The following MYH3 variants were observed in gnomAD, a reference collection of about 807,000 sequenced individuals.
MYH3 encodes myosin heavy chain 3.
In MYH3, 130 loss-of-function variants were observed where a neutral mutation model predicts 238.0. That is an observed-to-expected ratio of 0.55 (90% CI 0.47 to 0.63). The LOEUF (loss-of-function observed/expected upper bound fraction) is 0.63. Among genes scored for constraint, MYH3 ranks in the 30% least tolerant of loss-of-function variants. MYH3 has a pLI of 0.00. For synonymous variants in MYH3, 880 were observed against 924.1 expected, an observed-to-expected ratio of 0.95 and a Z score of 0.86; for missense variants, 1,853 against 2,374.9, an observed-to-expected ratio of 0.78 and a Z score of 4.57.
chr17:10,656,537 CAA>C (rs71139057), intron 1 of MYH3, among the ~76,000 whole-genome samples: 1,252 of 55,530 alleles, frequency 0.023, 6 homozygotes, highest in African/African-American at 0.039. Flanking sequence ...AATTCTGTCT[CAA>C]AAAAAAAAAA....
At position 10,642,575 on chromosome 17, in the gene MYH3, T is replaced by G; in HGVS notation, c.1730A>C (p.His577Pro). 1 of 1,614,170 alleles carries G rather than the reference T, an allele frequency of 6.2e-7. No individual in the cohort carries two copies. Among genetic ancestry groups the G allele is most frequent in the Non-Finnish European group, 8.5e-7 (1 of 1,180,032 alleles). The change falls in exon 16 of 41, where the codon CAC becomes CCC. Residue 577 changes from histidine (H) to proline (P), a missense_variant. Physicochemically the swap from His to Pro is moderately conservative, Grantham distance 77 (BLOSUM62 -2). Around this residue, in one of 3 missense-constraint regions of MYH3, gnomAD observed 678 missense variants for 1,058.9 expected, o/e 0.64. Coordinates refer to ENST00000583535, the MANE Select transcript of MYH3 (RefSeq NM_002470.4). This position sits in a 1 kb window ranked among gnomAD's most constrained non-coding sequence, Gnocchi z 5.4. Reference sequence around the variant, plus strand: ...GCCCGCATAGTGGATCAGTGAGAAGTGAGCCTCGGCCCTGCCTTTGACCAC... The same window carrying G: ...GCCCGCATAGTGGATCAGTGAGAAGGGAGCCTCGGCCCTGCCTTTGACCAC... ...PKVVKGRAEA[H>P]FSLIHYAGTV... is the part of the protein sequence containing the mutation.
chr17:10,638,730 G>A (rs927526370), intron 26 of MYH3, 143 bp downstream of exon 26: 1 of 843,610 alleles, frequency 1.2e-6, no homozygotes, highest in African/African-American at 1.7e-5. Context: ...GTTCATCATG[G>A]CCAGGCCAGC....
In MYH3 at chr17:10,642,985, C is replaced by T. The variant is rs2074287193; in HGVS notation, c.1422G>A (p.Leu474=). The stretch of plus-strand genomic sequence containing the variant: ...TGGTGAAGTTGATGCACAGCTGCTC[C>T]AGGCTGTTATACTAATAAAAAAATA... ...AGFEIFEYNS[L]EQLCINFTNE... is the part of the protein sequence containing the mutation. Residue 474 remains leucine (L), a synonymous_variant, in exon 15 of 41, where the codon CTG becomes CTA. Transcript: ENST00000583535. The surrounding 1 kb of genome is among the most constrained non-coding windows in gnomAD (Gnocchi z 5.4). 1 of 1,614,192 alleles carries T rather than the reference C, an allele frequency of 6.2e-7. No homozygotes were observed. Among genetic ancestry groups the T allele is most frequent in the Non-Finnish European group, 8.5e-7 (1 of 1,180,030 alleles).
chr17:10,670,771 G>A, the MYH3 span, among the ~76,000 whole-genome samples: 1 of 152,080 alleles, frequency 6.6e-6, no homozygotes, highest in South Asian at 2.1e-4. The surrounding 1 kb of genome is among the most constrained non-coding windows in gnomAD (Gnocchi z 7.0). Context: ...CGGCTTACTT[G>A]CTCAAAGTAC....
At chr17:10,629,991 C>T (rs906814255) in intron 38 of MYH3, 54 bp from the exon 39 acceptor site, 8 of 1,605,720 alleles carry the variant, frequency 5.0e-6, no homozygotes, top group Admixed American at 1.7e-5. Flanking sequence ...GATTTGCACA[C>T]GGCATGGGCA....
chr17:10,647,538 GTTTT>G, intron 8 of MYH3, 112 bp from the exon 9 acceptor site: 1 of 1,061,072 alleles, frequency 9.4e-7, no homozygotes, highest in South Asian at 1.3e-5. Context: ...TTTTTGTTTT[GTTTT>G]GTTTTGTTTT....
At chr17:10,648,210 G>C (rs572569692) in intron 8 of MYH3, among the ~76,000 whole-genome samples, 1 of 152,086 alleles carries the variant, frequency 6.6e-6, no homozygotes, top group Admixed American at 6.5e-5. Flanking sequence ...GACTGCACCA[G>C]GCCCTCCCCC....
chr17:10,660,564 C>A (rs2074473335), upstream of MYH3, among the ~76,000 whole-genome samples: 1 of 151,928 alleles, frequency 6.6e-6, no homozygotes, highest in Admixed American at 6.6e-5. Context: ...GTATTCCCAG[C>A]TACTTGGGAG....
chr17:10,652,715 G>C lies in MYH3; in HGVS notation c.205-152C>G. On this transcript the variant is annotated intron_variant, in intron 3 of 40. Transcript: ENST00000583535. ...CGGCTCACTGCAAGCTCCACCTCCC[G>C]GGTTCACACCATTCTTCTGCCTCAG... 4.8e-6 allele frequency: 4 copies of C among 841,980 alleles called. 1 individual carries two copies. In the South Asian group the frequency reaches 7.0e-5, roughly 15 times the overall value. The allele number at this position is 841,980 out of a possible 1,614,324, so 52.2% of individuals were successfully genotyped here.
the MYH3 span, chr17:10,673,332 A>T: frequency 6.7e-6 from 1 of 150,224 alleles, no homozygotes; most frequent in Admixed American, 6.7e-5. Context: ...AGCTTAACAT[A>T]GGTATTCCGC....
intron 36 of MYH3, among the ~76,000 whole-genome samples, chr17:10,631,290 C>A (rs1461682700): frequency 6.6e-6 from 1 of 152,164 alleles, no homozygotes; most frequent in African/African-American, 2.4e-5. Context: ...CCTCGGAGAC[C>A]CAGGAAGGGA....
Position 10,632,515 on chromosome 17 carries a change from C to G in MYH3, c.4917G>C (p.Glu1639Asp), listed in dbSNP as rs2074172819. The G allele has an allele frequency of 6.2e-7, 1 of 1,614,098 alleles. No individual in the cohort carries two copies. ...GGACACTCCTGAGGTGTTTGAGGGT[C>G]TCCGCCGCCTGGCGGTTGGCGTGGC... ...QLSHANRQAA[E>D]TLKHLRSVQG... Residue 1639 changes from glutamate (E) to aspartate (D), a missense_variant, in exon 34 of 41, where the codon GAG becomes GAC. Coordinates refer to ENST00000583535, the MANE Select transcript of MYH3 (RefSeq NM_002470.4).
At chr17:10,659,134 G>A (rs943744925), upstream of MYH3, 5 of 152,164 alleles carry the variant, frequency 3.3e-5, no homozygotes, top group African/African-American at 1.2e-4. Flanking sequence ...AAATGAAATA[G>A]GGGGCAATTT....
At position 10,645,928 on chromosome 17, in the gene MYH3, C is replaced by T. The variant is rs150951216; in HGVS notation, c.1002+1G>A. On this transcript the variant is annotated splice_donor_variant, in intron 11 of 40. Transcript: ENST00000583535. LOFTEE classifies it high-confidence loss of function. Reference sequence around the variant, plus strand: ...CCACCCCTTCTGTTGGTTCCACTTACGTCTGTAGCCAGCAGCTCCTCTGCA... The same window carrying T: ...CCACCCCTTCTGTTGGTTCCACTTATGTCTGTAGCCAGCAGCTCCTCTGCA... 15 of 1,613,796 alleles carry T rather than the reference C, an allele frequency of 9.3e-6. No individual in the cohort carries two copies. The highest frequency in any genetic ancestry group is 4.0e-5 in the African/African-American group (3 of 74,906).
At chr17:10,665,936 T>C in the MYH3 span, among the ~76,000 whole-genome samples, 7 of 151,786 alleles carry the variant, frequency 4.6e-5, no homozygotes, top group Middle Eastern at 3.4e-3. Flanking sequence ...GCATAGAGAG[T>C]CCAGAAGGAG....
At chr17:10,667,377 T>C in the MYH3 span, among the ~76,000 whole-genome samples, 1 of 152,156 alleles carries the variant, frequency 6.6e-6, no homozygotes, top group Non-Finnish European at 1.5e-5. Flanking sequence ...GACAATGTTA[T>C]GCACCCTTAA....
At chr17:10,643,516 C>T (rs2142406486) in intron 14 of MYH3, among the ~76,000 whole-genome samples, 2 of 152,218 alleles carry the variant, frequency 1.3e-5, no homozygotes, top group East Asian at 3.9e-4. Flanking sequence ...GCTGGAACTA[C>T]AGGCGCACGC....
chr17:10,645,627 T>A, intron 12 of MYH3, 80 bp downstream of exon 12: 1 of 1,561,184 alleles, frequency 6.4e-7, no homozygotes, highest in Non-Finnish European at 8.8e-7. Flanking sequence ...CTGGCTGGAT[T>A]AATTGCTTTC....
Position 10,648,541 on chromosome 17 carries a change from C to T in MYH3, c.735+16G>A, listed in dbSNP as rs202229798. The T allele has an allele frequency of 2.4e-5, 39 of 1,609,504 alleles. 1 individual carries two copies. The South Asian group carries it at 4.1e-4, about 17-fold the overall frequency. On this transcript the variant is annotated intron_variant, in intron 8 of 40. Transcript: ENST00000583535. ...AGGCACAAAGCAAATTCCATCTTAACCAAACTCAGACTCACAAAACGGGAG... is the reference window on the plus strand; with the variant it reads ...AGGCACAAAGCAAATTCCATCTTAATCAAACTCAGACTCACAAAACGGGAG...
Sources: allele counts gnomAD v4.1 joint callset (sites outside exome capture counted in the v4.1 genomes callset), GRCh38; gene constraint gnomAD v4.1.1; regional missense constraint gnomAD v4.1.1; non-coding constraint Gnocchi (gnomAD v3.1); transcripts MANE v1.5; gene names NCBI Gene and HGNC (gene_info 2026-07-23, HGNC 2026-07-21).